Variants in EEFSEC observed in about 807,000 individuals in gnomAD.
EEFSEC encodes eukaryotic elongation factor, selenocysteine-tRNA specific, also known as selenocysteine-specific elongation factor.
Under a neutral mutation model 42.1 loss-of-function variants are expected in EEFSEC, and 43 were observed. That is an observed-to-expected ratio of 1.02 (90% confidence interval 0.80 to 1.32). The LOEUF (loss-of-function observed/expected upper bound fraction) is 1.32. Among genes scored for constraint, EEFSEC ranks in the 40% most tolerant of loss-of-function variants. EEFSEC has a pLI of 0.00. For missense variants in EEFSEC, 745 were observed against 803.6 expected, an observed-to-expected ratio of 0.93 and a Z score of 0.88; for synonymous variants, 354 against 339.1, an observed-to-expected ratio of 1.04 and a Z score of -0.48.
At chr3:128,326,394 G>A (rs979336848) in intron 4 of EEFSEC, among the ~76,000 whole-genome samples, 32 of 152,210 alleles carry the variant, frequency 2.1e-4, no homozygotes, top group Non-Finnish European at 1.5e-5. Context: ...CATCTTGGCA[G>A]GTGGTACAGC....
At chr3:128,411,264 G>A (rs983853277), downstream of EEFSEC, among the ~76,000 whole-genome samples, 8 of 152,222 alleles carry the variant, frequency 5.3e-5, no homozygotes, top group Non-Finnish European at 8.8e-5. Flanking sequence ...CCAGGCCCGC[G>A]TGTTTTATGT....
At chr3:128,397,429 T>C (rs2067994309) in intron 6 of EEFSEC, among the ~76,000 whole-genome samples, 1 of 152,156 alleles carries the variant, frequency 6.6e-6, no homozygotes, top group Non-Finnish European at 1.5e-5. Context: ...TGGAATAAAA[T>C]GATGTCTTTG....
intron 4 of EEFSEC, among the ~76,000 whole-genome samples, chr3:128,280,745 G>A (rs1427205403): frequency 6.6e-6 from 1 of 152,186 alleles, no homozygotes; most frequent in Non-Finnish European, 1.5e-5. Flanking sequence ...TACTTTATTG[G>A]GGAAGCTCTG....
At chr3:128,186,261 G>T (rs749386687) in intron 1 of EEFSEC, among the ~76,000 whole-genome samples, 1 of 152,148 alleles carries the variant, frequency 6.6e-6, no homozygotes, top group South Asian at 2.1e-4. Context: ...CTCTTTGTTC[G>T]TTTAAAAATT....
chr3:128,195,818 G>A (rs2065578729), intron 1 of EEFSEC, among the ~76,000 whole-genome samples: 1 of 152,212 alleles, frequency 6.6e-6, no homozygotes, highest in Non-Finnish European at 1.5e-5. Flanking sequence ...GGCATGTCTA[G>A]ATTAGTGATT....
At chr3:128,291,863 A>G (rs2066647764) in intron 4 of EEFSEC, among the ~76,000 whole-genome samples, 1 of 152,112 alleles carries the variant, frequency 6.6e-6, no homozygotes, top group Non-Finnish European at 1.5e-5. Context: ...CTTGTTGCTG[A>G]TGTTAGGGGC....
intron 4 of EEFSEC, among the ~76,000 whole-genome samples, chr3:128,339,186 GAC>G (rs904651280): frequency 1.3e-5 from 2 of 152,112 alleles, no homozygotes; most frequent in African/African-American, 4.8e-5. Flanking sequence ...TGTGGCTTTT[GAC>G]ACTGTGCGTC....
chr3:128,363,253 A>G (rs1294216633), intron 6 of EEFSEC, among the ~76,000 whole-genome samples: 1 of 152,248 alleles, frequency 6.6e-6, no homozygotes, highest in African/African-American at 2.4e-5. Flanking sequence ...TGCCAGGGCT[A>G]GGATAGTCTG....
chr3:128,409,792 C>G (rs2107644070), downstream of EEFSEC, among the ~76,000 whole-genome samples: 1 of 152,356 alleles, frequency 6.6e-6, no homozygotes, highest in African/African-American at 2.4e-5. Context: ...GCCCCTCTCC[C>G]TGGGGCCTGA....
chr3:128,260,135 T>A (rs377128212), intron 2 of EEFSEC, among the ~76,000 whole-genome samples: 3 of 151,822 alleles, frequency 2.0e-5, no homozygotes, highest in African/African-American at 4.8e-5. Context: ...AGATTTTTTT[T>A]ATTTTTATTT....
chr3:128,182,482 C>T, intron 1 of EEFSEC, among the ~76,000 whole-genome samples: 1 of 152,208 alleles, frequency 6.6e-6, no homozygotes, highest in East Asian at 1.9e-4. Flanking sequence ...AGTCTCCTTA[C>T]ACTCCCCGCA....
intron 1 of EEFSEC, among the ~76,000 whole-genome samples, chr3:128,245,498 G>A (rs1009659255): frequency 6.6e-6 from 1 of 152,212 alleles, no homozygotes; most frequent in African/African-American, 2.4e-5. Context: ...ATGAGGAGAG[G>A]AGGCTGGACA....
At chr3:128,352,756 T>C (rs1319545706) in intron 5 of EEFSEC, among the ~76,000 whole-genome samples, 1 of 152,244 alleles carries the variant, frequency 6.6e-6, no homozygotes, top group Non-Finnish European at 1.5e-5. Context: ...CAACAACAAC[T>C]GTTTACAAGT....
chr3:128,255,583 C>T (rs374802276), intron 2 of EEFSEC, among the ~76,000 whole-genome samples: 7 of 152,082 alleles, frequency 4.6e-5, no homozygotes, highest in African/African-American at 1.2e-4. Context: ...TGGAGACTGG[C>T]GCAGAGGAAG....
chr3:128,240,026 A>G (rs2955077), intron 1 of EEFSEC, among the ~76,000 whole-genome samples: 130,679 of 152,270 alleles, frequency 0.86, 56,292 homozygotes, highest in East Asian at 0.99. Flanking sequence ...TGAGAGGGCT[A>G]AGCAGAAAGG....
At chr3:128,228,828 G>C (rs1334479373) in intron 1 of EEFSEC, among the ~76,000 whole-genome samples, 2 of 152,158 alleles carry the variant, frequency 1.3e-5, no homozygotes, top group East Asian at 3.8e-4. Flanking sequence ...GCTGATGTAT[G>C]CAATGCACTT....
intron 6 of EEFSEC, among the ~76,000 whole-genome samples, chr3:128,404,637 TGAG>T (rs1454682180): frequency 1.1e-4 from 17 of 152,210 alleles, no homozygotes; most frequent in African/African-American, 4.1e-4. Flanking sequence ...GGCGCTCACT[TGAG>T]GGGACTGGCC....
intron 1 of EEFSEC, among the ~76,000 whole-genome samples, chr3:128,232,138 G>A (rs1363500516): frequency 6.6e-6 from 1 of 152,100 alleles, no homozygotes; most frequent in Admixed American, 6.5e-5. Context: ...TATAGTATAT[G>A]AGGGCAAAGG....
At chr3:128,191,408 C>G (rs1032708047) in intron 1 of EEFSEC, among the ~76,000 whole-genome samples, 2 of 151,878 alleles carry the variant, frequency 1.3e-5, no homozygotes, top group African/African-American at 4.8e-5. Context: ...ACCTTAGCCT[C>G]TTGAGTAGCT....
Sources: allele counts gnomAD v4.1 joint callset (sites outside exome capture counted in the v4.1 genomes callset), GRCh38; gene constraint gnomAD v4.1.1; transcripts MANE v1.5; gene names NCBI Gene and HGNC (gene_info 2026-07-23, HGNC 2026-07-21).